The following KCNT1 variants were observed in gnomAD, a reference collection of about 807,000 sequenced individuals.
The protein encoded by KCNT1 is potassium channel subfamily T member 1.
A neutral mutation model predicts 147.8 loss-of-function variants in KCNT1; 78 were observed. That is an observed-to-expected ratio of 0.53 (90% confidence interval 0.44 to 0.64). The LOEUF is 0.64. Among genes scored for constraint, KCNT1 ranks in the 30% least tolerant of loss-of-function variants. The pLI, the probability that KCNT1 is intolerant of heterozygous loss-of-function variation, is 0.00. For synonymous variants in KCNT1, 867 were observed against 748.8 expected, an observed-to-expected ratio of 1.16 and a Z score of -2.58; for missense variants, 1,419 against 1,750.3, an observed-to-expected ratio of 0.81 and a Z score of 3.38.
chr9:135,746,084 A>G (rs1830818712), intron 2 of KCNT1, among the ~76,000 whole-genome samples: 1 of 152,234 alleles, frequency 6.6e-6, no homozygotes, highest in Admixed American at 6.5e-5. Flanking sequence ...TGCAGGGGAA[A>G]ATGGATCGTT....
At chr9:135,759,960 C>T in intron 11 of KCNT1, 101 bp downstream of exon 11, 1 of 1,153,618 alleles carries the variant, frequency 8.7e-7, no homozygotes, top group Non-Finnish European at 1.2e-6. Flanking sequence ...GTGCGGGGGC[C>T]ACTCCCAGGA....
In KCNT1 at chr9:135,771,067, G is replaced by A. The variant is rs1832723349; in HGVS notation, c.1980G>A (p.Leu660=). The A allele has an allele frequency of 2.1e-5, 34 of 1,611,898 alleles. No individual in the cohort carries two copies. Among genetic ancestry groups the A allele is most frequent in the Non-Finnish European group, 2.9e-5 (34 of 1,179,248 alleles). ...GGCTGCACGAGGGTCCGGCCCGCCT[G>A]CCCGTGCACAGCATCATCGCCTCCA... ...GQGLHEGPAR[L]PVHSIIASMG... Residue 660 remains leucine, a synonymous_variant, in exon 18 of 31, where the codon CTG becomes CTA. Coordinates refer to ENST00000371757, the MANE Select transcript of KCNT1 (RefSeq NM_020822.3).
intron 6 of KCNT1, 26 bp from the exon 7 acceptor site, chr9:135,756,847 A>C: frequency 6.2e-7 from 1 of 1,607,008 alleles, no homozygotes; most frequent in Non-Finnish European, 8.5e-7. Context: ...CCTGCTCCAG[A>C]GCTCCTTCCC....
intron 24 of KCNT1, among the ~76,000 whole-genome samples, chr9:135,782,377 C>T (rs1300521907): frequency 6.6e-6 from 1 of 152,230 alleles, no homozygotes; most frequent in Non-Finnish European, 1.5e-5. Context: ...CTCCAGCACC[C>T]AGGACTCCTC....
intron 16 of KCNT1, 36 bp downstream of exon 16, chr9:135,770,091 G>T: frequency 6.6e-7 from 1 of 1,515,852 alleles, no homozygotes. Flanking sequence ...CGACCTCCAT[G>T]GCGGGGCCGG....
At chr9:135,703,107 G>C (rs1277222106) in intron 1 of KCNT1, 3 of 152,586 alleles carry the variant, frequency 2.0e-5, no homozygotes, top group African/African-American at 7.2e-5. Flanking sequence ...CCAGGGTCCA[G>C]GTTCCCCATC....
Position 135,766,414 on chromosome 9 carries a change from C to A in KCNT1, c.1337+654C>A, listed in dbSNP as rs537023961. On this transcript the variant is annotated intron_variant, in intron 13 of 30. Transcript: ENST00000371757. ...CTGGGGTGGACCATTCAAGGTGGACCATCTAGGGTGGACCATCTGGGGTTG... is the reference window on the plus strand; with the variant it reads ...CTGGGGTGGACCATTCAAGGTGGACAATCTAGGGTGGACCATCTGGGGTTG... Among the ~76,000 whole-genome samples the A allele has an allele frequency of 1.9e-4, 29 of 151,688 alleles. No homozygotes were observed. The East Asian group carries it at 3.7e-3, about 19-fold the overall frequency.
chr9:135,791,403 A>ATCTCGG, intron 29 of KCNT1: 1 of 257,422 alleles, frequency 3.9e-6, no homozygotes, highest in Non-Finnish European at 7.6e-6. Context: ...GCAGGTGTAG[A>ATCTCGG]TGAAGGCATG....
At chr9:135,787,873 C>T (rs548206739) in intron 29 of KCNT1, among the ~76,000 whole-genome samples, 6 of 152,286 alleles carry the variant, frequency 3.9e-5, no homozygotes, top group Admixed American at 6.5e-5. Context: ...TGATCCCGCC[C>T]GGTCTGGCCA....
intron 29 of KCNT1, chr9:135,788,026 GCCGCC>G: frequency 8.4e-7 from 1 of 1,196,462 alleles, no homozygotes; most frequent in Non-Finnish European, 1.2e-6. Context: ...CACTGTGCCG[GCCGCC>G]CGCACCTCGC....
At chr9:135,766,647 TTGTCTGGGGTAGAC>T (rs1832310295) in intron 13 of KCNT1, 1 of 152,868 alleles carries the variant, frequency 6.5e-6, no homozygotes, top group East Asian at 1.9e-4. Context: ...CTGGGGTGGA[TTGTCTGGGGTAGAC>T]TGTCCGGGGC....
In KCNT1 at chr9:135,792,330, C is replaced by A; in HGVS notation, c.*169C>A. The A allele has an allele frequency of 1.2e-6, 1 of 804,036 alleles. No individual in the cohort carries two copies. Among genetic ancestry groups the A allele is most frequent in the Non-Finnish European group, 1.9e-6 (1 of 530,454 alleles). The allele number at this position is 804,036 out of a possible 1,614,324, so 49.8% of individuals were successfully genotyped here. A position where few individuals can be genotyped will look rare whatever the true frequency, so the allele number is the denominator to read the frequency against. The stretch of plus-strand genomic sequence containing the variant: ...AGGAGCCCCTCATGCGGGGGGAGGG[C>A]CAGCTCACCCCTGGGCACCTGCAGG... On this transcript the variant is annotated 3_prime_UTR_variant, in exon 31 of 31. Transcript: ENST00000371757.
At chr9:135,757,088 G>GGC in intron 7 of KCNT1, 68 bp from the exon 8 acceptor site, 7 of 695,722 alleles carry the variant, frequency 1.0e-5, no homozygotes, top group South Asian at 1.7e-5. Flanking sequence ...TCCCCACCCT[G>GGC]CCCCTCCCCT....
chr9:135,741,268 C>T (rs958989227), intron 2 of KCNT1, among the ~76,000 whole-genome samples: 12 of 152,314 alleles, frequency 7.9e-5, no homozygotes, highest in African/African-American at 2.4e-4. Flanking sequence ...TGCAGAGGGA[C>T]GCGGCCAGGG....
At position 135,702,367 on chromosome 9, in the gene KCNT1, A is replaced by G; in HGVS notation, c.109A>G (p.Arg37Gly). Residue 37 changes from arginine (R) to glycine (G), a missense_variant and splice_region_variant, in exon 1 of 31, where the codon AGG becomes GGG. Arg to Gly is a moderately radical substitution (Grantham distance 125). This residue lies in a region of KCNT1 where 181 missense variants were observed against 155.7 expected (regional missense o/e 1.16). Coordinates refer to ENST00000371757, the MANE Select transcript of KCNT1 (RefSeq NM_020822.3). ...FEFDDGQCAP[R>G]RPCAGDGALL... The stretch of plus-strand genomic sequence containing the variant: ...GTTTGACGACGGCCAATGCGCCCCC[A>G]GGTACAGTCTGCTGCGCCCTCCCCA... The G allele has an allele frequency of 6.2e-7, 1 of 1,609,376 alleles. No homozygotes were observed. The highest frequency in any genetic ancestry group is 8.5e-7 in the Non-Finnish European group (1 of 1,177,550).
At chr9:135,783,327 G>C (rs1394384760) in intron 24 of KCNT1, among the ~76,000 whole-genome samples, 2 of 152,226 alleles carry the variant, frequency 1.3e-5, no homozygotes, top group African/African-American at 4.8e-5. Flanking sequence ...TCAGAAGAGG[G>C]AAGAGGGAGC....
At chr9:135,772,215 G>A (rs1048059373) in intron 18 of KCNT1, among the ~76,000 whole-genome samples, 10 of 152,140 alleles carry the variant, frequency 6.6e-5, no homozygotes, top group African/African-American at 1.7e-4. Context: ...AGGGTGACTC[G>A]GGCAACCCTC....
At chr9:135,733,595 T>C (rs1371817710) in intron 2 of KCNT1, among the ~76,000 whole-genome samples, 5 of 46,204 alleles carry the variant, frequency 1.1e-4, no homozygotes, top group Non-Finnish European at 1.7e-4. Flanking sequence ...CACCTGCCTT[T>C]GCACCTGCCC....
At chr9:135,737,649 C>T (rs902031462) in intron 2 of KCNT1, among the ~76,000 whole-genome samples, 50 of 152,090 alleles carry the variant, frequency 3.3e-4, no homozygotes, top group Admixed American at 3.1e-3. Flanking sequence ...TTCCAGGTAG[C>T]GGAAGCAGTG....
Sources: allele counts gnomAD v4.1 joint callset (sites outside exome capture counted in the v4.1 genomes callset), GRCh38; gene constraint gnomAD v4.1.1; regional missense constraint gnomAD v4.1.1; transcripts MANE v1.5; gene names NCBI Gene and HGNC (gene_info 2026-07-23, HGNC 2026-07-21).